USP25: variants seen among roughly 807,000 people sequenced by gnomAD.
The protein encoded by USP25 is ubiquitin carboxyl-terminal hydrolase 25.
Under a neutral mutation model 158.5 loss-of-function variants are expected in USP25, and 85 were observed. The observed-to-expected ratio is 0.54, with a 90% CI of 0.45 to 0.64. The LOEUF (loss-of-function observed/expected upper bound fraction) is 0.64, where lower values mean the gene tolerates loss of function less well. Among genes scored for constraint, USP25 ranks in the 30% least tolerant of loss-of-function variants. USP25 has a pLI of 0.00. For missense variants in USP25, 1,242 were observed against 1,327.3 expected (o/e 0.94, Z 1.00); for synonymous variants, 464 against 460.4 (o/e 1.01, Z -0.10).
intron 1 of USP25, among the ~76,000 whole-genome samples, chr21:15,750,247 A>G (rs2032900503): frequency 8.2e-6 from 1 of 122,312 alleles, no homozygotes; most frequent in African/African-American, 3.2e-5. Flanking sequence ...TCCTTGAGAC[A>G]GAGTCTCACT....
intron 19 of USP25, 61 bp from the exon 20 acceptor site, chr21:15,849,716 A>G: frequency 8.0e-7 from 1 of 1,257,646 alleles, no homozygotes. Flanking sequence ...TTCAGCTTGC[A>G]TGTGAATAAA....
At chr21:15,801,883 T>C (rs1357664190) in intron 6 of USP25, among the ~76,000 whole-genome samples, 1 of 151,574 alleles carries the variant, frequency 6.6e-6, no homozygotes, top group Non-Finnish European at 1.5e-5. Flanking sequence ...GAAATTAGTA[T>C]GTATTTTAAG....
chr21:15,780,330 C>T (rs1393101495), intron 4 of USP25, among the ~76,000 whole-genome samples: 2 of 152,040 alleles, frequency 1.3e-5, no homozygotes, highest in African/African-American at 4.8e-5. Context: ...TTAAGTAGAA[C>T]GTTTTTAAAG....
intron 1 of USP25, among the ~76,000 whole-genome samples, chr21:15,738,180 A>C (rs1198340851): frequency 6.6e-6 from 1 of 152,124 alleles, no homozygotes; most frequent in Non-Finnish European, 1.5e-5. Flanking sequence ...TTCATCATTC[A>C]TTTTGTGAAT....
intron 1 of USP25, chr21:15,744,333 T>G (rs978608239): frequency 6.6e-6 from 1 of 152,318 alleles, no homozygotes; most frequent in African/African-American, 2.4e-5. Flanking sequence ...TTTGTTGTTG[T>G]TGTTATTTTT....
chr21:15,840,373 T>C (rs2038273838), intron 17 of USP25, among the ~76,000 whole-genome samples: 1 of 152,166 alleles, frequency 6.6e-6, no homozygotes, highest in South Asian at 2.1e-4. Context: ...TCCTTAAAAT[T>C]AGTGAAGTAT....
chr21:15,814,276 A>G (rs569809183), intron 9 of USP25, among the ~76,000 whole-genome samples: 1 of 151,332 alleles, frequency 6.6e-6, no homozygotes, highest in East Asian at 2.0e-4. Flanking sequence ...GTCCAATTAA[A>G]CCTCTTTTTC....
intron 17 of USP25, among the ~76,000 whole-genome samples, chr21:15,837,682 C>A (rs897770555): frequency 2.0e-5 from 3 of 152,120 alleles, no homozygotes; most frequent in East Asian, 3.9e-4. Flanking sequence ...GAAGTCCTTA[C>A]AATATAGCAC....
At chr21:15,864,234 T>C in intron 20 of USP25, 34 bp from the exon 21 acceptor site, 1 of 1,582,486 alleles carries the variant, frequency 6.3e-7, no homozygotes, top group South Asian at 1.2e-5. Context: ...TTCAAATAAT[T>C]AACCAAAATT....
chr21:15,819,809 G>T (rs1370412249), intron 10 of USP25, among the ~76,000 whole-genome samples: 1 of 151,836 alleles, frequency 6.6e-6, no homozygotes, highest in African/African-American at 2.4e-5. Flanking sequence ...TTTTCTTAAA[G>T]ATGCAGTTAA....
At chr21:15,830,679 C>G in intron 15 of USP25, 78 bp downstream of exon 15, 2 of 1,157,206 alleles carry the variant, frequency 1.7e-6, no homozygotes, top group East Asian at 2.9e-5. Flanking sequence ...TTATCTTAAT[C>G]TAATTTTTCT....
At chr21:15,849,726 A>G in intron 19 of USP25, 51 bp from the exon 20 acceptor site, 1 of 1,369,500 alleles carries the variant, frequency 7.3e-7, no homozygotes, top group Non-Finnish European at 9.9e-7. Context: ...ATGTGAATAA[A>G]TTATTTTAGT....
In USP25 at chr21:15,765,889, A is replaced by T. The variant is rs1390024237; in HGVS notation, c.124-108A>T. The T allele has an allele frequency of 2.6e-6, 3 of 1,173,188 alleles. No individual in the cohort carries two copies. The African/African-American group carries it at 4.7e-5, about 18-fold the overall frequency. The allele number at this position is 1,173,188 out of a possible 1,614,324, so 72.7% of individuals were successfully genotyped here. A position where few individuals can be genotyped will look rare whatever the true frequency, so the allele number is the denominator to read the frequency against. On this transcript the variant is annotated intron_variant, in intron 2 of 25. Coordinates refer to ENST00000400183, the MANE Select transcript of USP25 (RefSeq NM_001283041.3). The stretch of plus-strand genomic sequence containing the variant: ...TTAGAATCACATATAGATTAATTGC[A>T]AATTTAAAGCAATTTTGTTCTAGAG...
Position 15,877,799 on chromosome 21 carries a change from T to C in USP25, c.3013T>C (p.Leu1005=). The stretch of plus-strand genomic sequence containing the variant: ...TTTTTTCCTGCATTGCATTAAGAAA[T>C]TAAATGAGCAAGCCGCAGAACTCTT... The part of the protein sequence containing the change: ...SHYRRECLLK[L]NEQAAELFES... The change falls in exon 25 of 26, where the codon TTA becomes CTA. Residue 1005 remains leucine (L), a synonymous_variant. Coordinates refer to ENST00000400183, the MANE Select transcript of USP25 (RefSeq NM_001283041.3). The C allele has an allele frequency of 6.3e-7, 1 of 1,595,212 alleles. No individual in the cohort carries two copies. Among genetic ancestry groups the C allele is most frequent in the Non-Finnish European group, 8.5e-7 (1 of 1,173,654 alleles).
intron 17 of USP25, among the ~76,000 whole-genome samples, chr21:15,840,653 T>A (rs1293939868): frequency 1.3e-5 from 2 of 152,150 alleles, no homozygotes; most frequent in Non-Finnish European, 2.9e-5. Context: ...GTACTCAAAC[T>A]CCTTTATGGA....
intron 5 of USP25, among the ~76,000 whole-genome samples, chr21:15,798,776 T>C (rs2035987569): frequency 6.6e-6 from 1 of 151,372 alleles, no homozygotes; most frequent in Non-Finnish European, 1.5e-5. Flanking sequence ...GGTTGTTAAT[T>C]GATCTATGTA....
chr21:15,780,423 T>C (rs1364878918), intron 4 of USP25, among the ~76,000 whole-genome samples: 1 of 152,230 alleles, frequency 6.6e-6, no homozygotes, highest in Non-Finnish European at 1.5e-5. Context: ...AAGTGGAGTA[T>C]GGACAGTTGA....
intron 3 of USP25, among the ~76,000 whole-genome samples, chr21:15,777,258 G>A (rs2034709096): frequency 6.6e-6 from 1 of 152,060 alleles, no homozygotes; most frequent in Admixed American, 6.5e-5. Context: ...TAAATTAAAA[G>A]GACTGCATAT....
At chr21:15,848,720 C>T (rs1251945987) in intron 19 of USP25, among the ~76,000 whole-genome samples, 1 of 152,050 alleles carries the variant, frequency 6.6e-6, no homozygotes, top group Non-Finnish European at 1.5e-5. Flanking sequence ...AGACATATCA[C>T]TGTACCAGTG....
Sources: allele counts gnomAD v4.1 joint callset (sites outside exome capture counted in the v4.1 genomes callset), GRCh38; gene constraint gnomAD v4.1.1; transcripts MANE v1.5; gene names NCBI Gene and HGNC (gene_info 2026-07-23, HGNC 2026-07-21).